Variants in CARM1 observed in about 807,000 individuals in gnomAD.
CARM1 encodes coactivator associated arginine methyltransferase 1.
In CARM1, 14 loss-of-function variants were observed where a neutral mutation model predicts 72.7. The observed-to-expected ratio is 0.19, with a 90% CI of 0.13 to 0.30. The LOEUF is 0.30. Among genes scored for constraint, CARM1 ranks in the 10% least tolerant of loss-of-function variants. The pLI is 1.00. For missense variants in CARM1, 432 were observed against 833.7 expected, an observed-to-expected ratio of 0.52 and a Z score of 5.93; for synonymous variants, 333 against 345.5, an observed-to-expected ratio of 0.96 and a Z score of 0.40.
At chr19:10,882,622 A>C (rs1350108538) in intron 1 of CARM1, among the ~76,000 whole-genome samples, 3 of 143,754 alleles carry the variant, frequency 2.1e-5, no homozygotes, top group Admixed American at 1.4e-4. Flanking sequence ...GCTCATTGCA[A>C]CCTCCGCCTC....
chr19:10,921,479 C>T (rs576890095), intron 15 of CARM1, 36 bp downstream of exon 15: 29 of 1,581,802 alleles, frequency 1.8e-5, no homozygotes, highest in Admixed American at 9.3e-5. Flanking sequence ...CCGTGGGGGC[C>T]GAGCTAGCGT....
chr19:10,889,819 A>C (rs1480183733), intron 1 of CARM1, among the ~76,000 whole-genome samples: 1 of 152,164 alleles, frequency 6.6e-6, no homozygotes, highest in Non-Finnish European at 1.5e-5. Context: ...AGACGAATGC[A>C]GCCAACACCT....
chr19:10,901,698 T>C (rs561086526), intron 1 of CARM1, among the ~76,000 whole-genome samples: 1 of 152,226 alleles, frequency 6.6e-6, no homozygotes, highest in South Asian at 2.1e-4. Context: ...TCCCAGCACT[T>C]TGAGATGCCG....
chr19:10,899,608 GGA>G (rs1220324132), intron 1 of CARM1, among the ~76,000 whole-genome samples: 1 of 152,198 alleles, frequency 6.6e-6, no homozygotes, highest in Middle Eastern at 3.2e-3. Flanking sequence ...TCCTGGGGTG[GGA>G]GAGAGTCTGG....
At chr19:10,872,325 C>T (rs962269449) in intron 1 of CARM1, among the ~76,000 whole-genome samples, 10 of 150,794 alleles carry the variant, frequency 6.6e-5, no homozygotes, top group East Asian at 2.0e-4. Flanking sequence ...GCGTGGCCGC[C>T]TCTGCAGGGA....
Position 10,871,938 on chromosome 19 carries a change from CG to C in CARM1, c.220+20del. The C allele has an allele frequency of 1.7e-6, 2 of 1,181,076 alleles. No homozygotes were observed. Among genetic ancestry groups the C allele is most frequent in the Non-Finnish European group, 1.0e-6 (1 of 954,850 alleles). The allele number at this position is 1,181,076 out of a possible 1,614,324, so 73.2% of individuals were successfully genotyped here. On this transcript the variant is annotated intron_variant, in intron 1 of 15. Transcript: ENST00000327064. The surrounding 1 kb of genome is among the most constrained non-coding windows in gnomAD (Gnocchi z 5.6). ...CTCTACAGCCGTGAGTACGGGGCCC[CG>C]GGGCAGGCGCAGGGCCGGGGCTGCT...
In CARM1 at chr19:10,921,969, A is replaced by G. The variant is rs537856438; in HGVS notation, c.*212A>G. 822 of 506,268 alleles carry G rather than the reference A, an allele frequency of 1.6e-3. No individual in the cohort carries two copies. Among genetic ancestry groups the G allele is most frequent in the Non-Finnish European group, 2.3e-3 (674 of 287,078 alleles). The allele number at this position is 506,268 out of a possible 1,614,324, so 31.4% of individuals were successfully genotyped here. A position where few individuals can be genotyped will look rare whatever the true frequency, so the allele number is the denominator to read the frequency against. ...GGCCCTGAGCGTGTGTCGCTGCCAT[A>G]TTTTACACAAAATCATGTTGTGGGA... On this transcript the variant is annotated 3_prime_UTR_variant, in exon 16 of 16. Coordinates refer to ENST00000327064, the MANE Select transcript of CARM1 (RefSeq NM_199141.2).
rs1418018398 is a variant in CARM1 at position 10,911,180 on chromosome 19, C to T, written c.559-1004C>T. 3.3e-5 allele frequency among the ~76,000 whole-genome samples: 5 copies of T among 152,136 alleles called. No homozygotes were observed. In the South Asian group the frequency reaches 6.2e-4, roughly 19 times the overall value. On this transcript the variant is annotated intron_variant, in intron 4 of 15. Transcript: ENST00000327064. ...TGCTGAGATTACAGGTGTGAGCCGCCGCACCTGGCCTGTTTTCTCTTTTGA... is the reference window on the plus strand; with the variant it reads ...TGCTGAGATTACAGGTGTGAGCCGCTGCACCTGGCCTGTTTTCTCTTTTGA...
intron 1 of CARM1, among the ~76,000 whole-genome samples, chr19:10,877,959 A>C (rs1311035399): frequency 1.3e-5 from 2 of 152,086 alleles, no homozygotes; most frequent in Admixed American, 1.3e-4. Context: ...CTCTGGCCTC[A>C]TCCTCCCAAG....
chr19:10,909,811 C>T (rs1470568729), intron 4 of CARM1, among the ~76,000 whole-genome samples: 2 of 152,178 alleles, frequency 1.3e-5, no homozygotes, highest in African/African-American at 4.8e-5. Context: ...CTCAACACAG[C>T]ATGTACATTA....
chr19:10,901,787 C>T (rs1334967573), intron 1 of CARM1, among the ~76,000 whole-genome samples: 1 of 152,110 alleles, frequency 6.6e-6, no homozygotes, highest in African/African-American at 2.4e-5. Context: ...ACCAAAAATA[C>T]AGAAATTACT....
At chr19:10,876,136 C>T (rs2073862773) in intron 1 of CARM1, among the ~76,000 whole-genome samples, 3 of 152,078 alleles carry the variant, frequency 2.0e-5, no homozygotes, top group Admixed American at 2.0e-4. Context: ...ACCTTGGCCT[C>T]CTAAAGTGCT....
intron 6 of CARM1, among the ~76,000 whole-genome samples, chr19:10,914,561 G>C (rs1389058389): frequency 6.6e-6 from 1 of 152,180 alleles, no homozygotes; most frequent in Admixed American, 6.5e-5. Flanking sequence ...CTGGGTGACT[G>C]TTTCTTTTTT....
At chr19:10,890,144 C>G (rs909394222) in intron 1 of CARM1, among the ~76,000 whole-genome samples, 1 of 151,970 alleles carries the variant, frequency 6.6e-6, no homozygotes, top group Admixed American at 6.6e-5. Flanking sequence ...CCCAGGTACT[C>G]AGGTGGCTGA....
intron 6 of CARM1, among the ~76,000 whole-genome samples, chr19:10,914,471 G>A (rs1325672139): frequency 6.6e-6 from 1 of 152,222 alleles, no homozygotes; most frequent in Non-Finnish European, 1.5e-5. Flanking sequence ...GCGAGTGTAC[G>A]TGTGTGAGGA....
intron 1 of CARM1, among the ~76,000 whole-genome samples, 184 bp downstream of exon 1, chr19:10,872,106 G>C (rs971818256): frequency 6.6e-6 from 1 of 152,070 alleles, no homozygotes; most frequent in Non-Finnish European, 1.5e-5. Flanking sequence ...AGAAAAGAGG[G>C]CGTGCGTGGT....
At chr19:10,890,048 G>T (rs1568348157) in intron 1 of CARM1, among the ~76,000 whole-genome samples, 1 of 152,104 alleles carries the variant, frequency 6.6e-6, no homozygotes, top group Non-Finnish European at 1.5e-5. Context: ...GGGAGTTTGA[G>T]ACCAGCGTGG....
At chr19:10,874,523 G>T (rs113732336) in intron 1 of CARM1, among the ~76,000 whole-genome samples, 1 of 151,896 alleles carries the variant, frequency 6.6e-6, no homozygotes, top group East Asian at 1.9e-4. Context: ...CTCCCTAGTA[G>T]CTGGGACCAC....
At chr19:10,897,422 A>G (rs2074032412) in intron 1 of CARM1, among the ~76,000 whole-genome samples, 2 of 152,096 alleles carry the variant, frequency 1.3e-5, no homozygotes, top group South Asian at 4.1e-4. Context: ...CTGGATTCAC[A>G]TGGTGGAGGG....
Sources: gnomAD v4.1 joint callset for allele counts (sites outside exome capture counted in the v4.1 genomes callset) on GRCh38, gnomAD v4.1.1 for gene constraint, Gnocchi (gnomAD v3.1) non-coding constraint, MANE v1.5 for transcripts, NCBI Gene and HGNC (gene_info 2026-07-23, HGNC 2026-07-21) for gene names.